Variants in PREX1 observed in about 807,000 individuals in gnomAD.
PREX1 encodes phosphatidylinositol-3,4,5-trisphosphate dependent Rac exchange factor 1.
A neutral mutation model predicts 198.3 loss-of-function variants in PREX1; 41 were observed. The observed-to-expected ratio is 0.21, with a 90% CI of 0.16 to 0.27. The LOEUF is 0.27. Among genes scored for constraint, PREX1 ranks in the 10% least tolerant of loss-of-function variants. PREX1 has a pLI of 1.00. For synonymous variants in PREX1, 843 were observed against 887.2 expected (o/e 0.95, Z 0.89); for missense variants, 1,620 against 2,200.7 (o/e 0.74, Z 5.28).
chr20:48,668,303 C>T lies in PREX1; in HGVS notation c.1666-1948G>A, dbSNP rs114182199. 2.1e-3 allele frequency among the ~76,000 whole-genome samples: 321 copies of T among 152,316 alleles called. 4 individuals carry two copies. Among genetic ancestry groups the T allele is most frequent in the African/African-American group, 7.5e-3 (310 of 41,572 alleles). On this transcript the variant is annotated intron_variant, in intron 14 of 39. Transcript: ENST00000371941. ...CCAGGGGAGGACAAGCTGAGTCAGG[C>T]CCGTGGGGGCCAGGAGCCGGCACTG...
At chr20:48,720,440 T>C (rs1047044024) in intron 5 of PREX1, among the ~76,000 whole-genome samples, 1 of 151,986 alleles carries the variant, frequency 6.6e-6, no homozygotes, top group Non-Finnish European at 1.5e-5. Flanking sequence ...AGTTGCTCAA[T>C]AAATAGGTGG....
chr20:48,646,193 G>A (rs537052120), intron 25 of PREX1, 136 bp from the exon 26 acceptor site: 29 of 828,734 alleles, frequency 3.5e-5, no homozygotes, highest in Admixed American at 9.0e-5. Context: ...GTTCTTTCAC[G>A]GCCAAGCTAC....
chr20:48,634,144 GT>G (rs2089340657), intron 33 of PREX1, among the ~76,000 whole-genome samples: 1 of 120,264 alleles, frequency 8.3e-6, no homozygotes, highest in Non-Finnish European at 1.8e-5. Flanking sequence ...ACATGGGTGG[GT>G]GGATGGATGG....
chr20:48,804,194 A>G (rs1241077364), intron 1 of PREX1, among the ~76,000 whole-genome samples: 2 of 152,242 alleles, frequency 1.3e-5, no homozygotes, highest in East Asian at 3.8e-4. Flanking sequence ...CTAAGCACCC[A>G]CTATGTGCCA....
Position 48,691,128 on chromosome 20 carries a change from A to G in PREX1, c.1037-32T>C. On this transcript the variant is annotated intron_variant, in intron 8 of 39. Coordinates refer to ENST00000371941, the MANE Select transcript of PREX1 (RefSeq NM_020820.4). This position sits in a 1 kb window ranked among gnomAD's most constrained non-coding sequence, Gnocchi z 5.0. ...GGGGCAGGAGGCAAAGGTGCAGCAG[A>G]GACTCAGCCGCGTGACCTTCAACAC... 6.2e-7 allele frequency: 1 copy of G among 1,613,906 alleles called. No individual in the cohort carries two copies. The highest frequency in any genetic ancestry group is 8.5e-7 in the Non-Finnish European group (1 of 1,179,832).
chr20:48,709,057 T>C (rs1200680871), intron 5 of PREX1, among the ~76,000 whole-genome samples: 1 of 151,956 alleles, frequency 6.6e-6, no homozygotes, highest in Non-Finnish European at 1.5e-5. Context: ...ACCCCTCAAC[T>C]CAGACGCAGG....
At chr20:48,881,856 G>A in the PREX1 span, among the ~76,000 whole-genome samples, 63 of 152,072 alleles carry the variant, frequency 4.1e-4, no homozygotes, top group African/African-American at 1.3e-3. Context: ...ATCTAATTTC[G>A]GAATGTTTTC....
chr20:48,880,999 A>AAAAAAAAAAAAAAAAAAAAAC, the PREX1 span, among the ~76,000 whole-genome samples: 1 of 150,716 alleles, frequency 6.6e-6, no homozygotes, highest in Non-Finnish European at 1.5e-5. Flanking sequence ...AAAAAAAAAA[A>AAAAAAAAAAAAAAAAAAAAAC]AAAAAAAAAA....
intron 4 of PREX1, among the ~76,000 whole-genome samples, chr20:48,730,375 C>G (rs2090029269): frequency 6.6e-6 from 1 of 151,952 alleles, no homozygotes; most frequent in Non-Finnish European, 1.5e-5. Flanking sequence ...AGGGATCCCA[C>G]AGAGCGATCC....
chr20:48,737,612 G>A (rs958494158), intron 3 of PREX1, among the ~76,000 whole-genome samples: 3 of 152,164 alleles, frequency 2.0e-5, no homozygotes, highest in African/African-American at 7.2e-5. Flanking sequence ...GGGACCATAA[G>A]TGAGCACATG....
intron 1 of PREX1, among the ~76,000 whole-genome samples, chr20:48,820,704 A>C (rs2090480640): frequency 6.6e-6 from 1 of 152,176 alleles, no homozygotes; most frequent in Admixed American, 6.5e-5. Flanking sequence ...TGTGGTTGTC[A>C]CAACTGGGGA....
intron 9 of PREX1, among the ~76,000 whole-genome samples, chr20:48,689,708 G>A (rs1358839466): frequency 6.6e-6 from 1 of 152,182 alleles, no homozygotes; most frequent in African/African-American, 2.4e-5. Flanking sequence ...TCACAACACT[G>A]CCTAACCAGG....
chr20:48,677,736 G>T (rs2089719294), intron 13 of PREX1, among the ~76,000 whole-genome samples: 1 of 152,218 alleles, frequency 6.6e-6, no homozygotes, highest in Non-Finnish European at 1.5e-5. Context: ...TGTAATCCCA[G>T]CACTCTGGGA....
chr20:48,704,118 T>C (rs576751502), intron 6 of PREX1, among the ~76,000 whole-genome samples: 2 of 152,334 alleles, frequency 1.3e-5, no homozygotes, highest in East Asian at 3.9e-4. Context: ...ACAATTCTCA[T>C]TTTACAGATG....
chr20:48,688,643 G>A lies in PREX1; in HGVS notation c.1334+14C>T. The A allele has an allele frequency of 6.2e-7, 1 of 1,614,070 alleles. No homozygotes were observed. The highest frequency in any genetic ancestry group is 8.5e-7 in the Non-Finnish European group (1 of 1,179,960). On this transcript the variant is annotated intron_variant, in intron 10 of 39. Coordinates refer to ENST00000371941, the MANE Select transcript of PREX1 (RefSeq NM_020820.4). ...AGCCCAGGGACCCAGGGAGTTCAGA[G>A]TGAGGCTACTCACTTGCCAAGAAAG... is the stretch of plus-strand genomic sequence containing the variant.
intron 1 of PREX1, among the ~76,000 whole-genome samples, chr20:48,781,595 C>T (rs751043574): frequency 3.3e-5 from 5 of 152,180 alleles, no homozygotes; most frequent in Non-Finnish European, 2.9e-5. Flanking sequence ...AAGTCAGACA[C>T]CCCCTGCCTC....
intron 1 of PREX1, among the ~76,000 whole-genome samples, chr20:48,818,640 T>G (rs1195491263): frequency 6.6e-6 from 1 of 152,220 alleles, no homozygotes; most frequent in Non-Finnish European, 1.5e-5. Flanking sequence ...GAAGTGGGCC[T>G]GAAAAATCCA....
intron 15 of PREX1, among the ~76,000 whole-genome samples, chr20:48,664,103 G>T (rs572963348): frequency 2.0e-5 from 3 of 152,208 alleles, no homozygotes; most frequent in Non-Finnish European, 4.4e-5. Flanking sequence ...GGTCGGGCGC[G>T]GTGGCTCACG....
chr20:48,852,702 G>T, the PREX1 span, among the ~76,000 whole-genome samples: 4 of 152,192 alleles, frequency 2.6e-5, no homozygotes, highest in Non-Finnish European at 1.5e-5. Flanking sequence ...ACCCAGTGAT[G>T]TATGTACAAG....
Sources: gnomAD v4.1 joint callset for allele counts (sites outside exome capture counted in the v4.1 genomes callset) on GRCh38, gnomAD v4.1.1 for gene constraint, Gnocchi (gnomAD v3.1) non-coding constraint, MANE v1.5 for transcripts, NCBI Gene and HGNC (gene_info 2026-07-23, HGNC 2026-07-21) for gene names.